The following MYO16 variants were observed in gnomAD, a reference collection of about 807,000 sequenced individuals.
MYO16 encodes the protein unconventional myosin-XVI.
A neutral mutation model predicts 205.3 loss-of-function variants in MYO16; 94 were observed. The observed-to-expected ratio is 0.46, with a 90% CI of 0.39 to 0.54. The LOEUF is 0.54. MYO16 is among the 20% of genes least tolerant of loss of function. The pLI is 0.00. For missense variants in MYO16, 2,315 were observed against 2,387.5 expected, an observed-to-expected ratio of 0.97 and a Z score of 0.63; for synonymous variants, 988 against 954.0, an observed-to-expected ratio of 1.04 and a Z score of -0.66.
chr13:109,061,264 G>A (rs1035794767), intron 27 of MYO16, among the ~76,000 whole-genome samples: 2 of 152,074 alleles, frequency 1.3e-5, no homozygotes, highest in Non-Finnish European at 2.9e-5. Context: ...TTACATTCGT[G>A]TGCCCACAAG....
At chr13:108,840,153 G>A (rs390619) in intron 9 of MYO16, among the ~76,000 whole-genome samples, 89,399 of 151,954 alleles carry the variant, frequency 0.59, 27,676 homozygotes, top group Middle Eastern at 0.72. Flanking sequence ...GCTATCTCAT[G>A]TTAATATATG....
intron 23 of MYO16, among the ~76,000 whole-genome samples, chr13:109,022,843 A>T (rs1461338372): frequency 7.3e-6 from 1 of 136,972 alleles, no homozygotes; most frequent in East Asian, 2.1e-4. Flanking sequence ...CATAGTATAT[A>T]TTTATATATT....
chr13:109,080,217 A>G (rs1377521548), intron 27 of MYO16, among the ~76,000 whole-genome samples: 1 of 152,110 alleles, frequency 6.6e-6, no homozygotes, highest in Non-Finnish European at 1.5e-5. Flanking sequence ...TAATGTGGAT[A>G]ATATTTTTCT....
chr13:108,963,183 C>T (rs1052583124), intron 19 of MYO16, among the ~76,000 whole-genome samples: 1 of 152,192 alleles, frequency 6.6e-6, no homozygotes, highest in African/African-American at 2.4e-5. Context: ...TTACTATTTT[C>T]CTCTTTATTG....
chr13:108,979,147 ATTATTTTAATTAATT>A (rs1884371224), intron 20 of MYO16, among the ~76,000 whole-genome samples: 1 of 151,928 alleles, frequency 6.6e-6, no homozygotes, highest in Admixed American at 6.6e-5. Flanking sequence ...TCACATTTAT[ATTATTTTAATTAATT>A]TCTGAAGTTT....
chr13:108,977,092 A>G (rs1341695223), intron 20 of MYO16, among the ~76,000 whole-genome samples: 1 of 152,198 alleles, frequency 6.6e-6, no homozygotes, highest in African/African-American at 2.4e-5. Context: ...AATATATAAC[A>G]TTGTGAATAA....
intron 20 of MYO16, among the ~76,000 whole-genome samples, chr13:108,976,290 A>G (rs1447912417): frequency 6.6e-6 from 1 of 152,140 alleles, no homozygotes; most frequent in Non-Finnish European, 1.5e-5. Context: ...GATGTGATGT[A>G]TGTTTTATCA....
chr13:109,086,108 A>G (rs186097827), intron 27 of MYO16, among the ~76,000 whole-genome samples: 6 of 152,058 alleles, frequency 3.9e-5, no homozygotes, highest in African/African-American at 1.5e-4. Context: ...CAAGATAGAC[A>G]TCATTTGTGC....
rs144239971 is a variant in MYO16, at chr13:108,907,318, A to G, written c.1778-2685A>G. On this transcript the variant is annotated intron_variant, in intron 15 of 34. Coordinates refer to ENST00000457511, the MANE Select transcript of MYO16 (RefSeq NM_001198950.3). ...CACCAAAACTTTTTGGAACGCATAT[A>G]TGAATATATGGACACTTGTAGAGAA... Among the ~76,000 whole-genome samples the G allele has an allele frequency of 6.0e-4, 92 of 152,322 alleles. 1 individual carries two copies. The East Asian group carries it at 0.016, about 27-fold the overall frequency.
chr13:108,851,450 T>C (rs1877860104), intron 10 of MYO16, among the ~76,000 whole-genome samples: 1 of 152,194 alleles, frequency 6.6e-6, no homozygotes, highest in African/African-American at 2.4e-5. Context: ...TAATGACTTT[T>C]GCCACAAGTG....
At chr13:108,996,857 C>A (rs889897933) in intron 21 of MYO16, among the ~76,000 whole-genome samples, 1 of 152,176 alleles carries the variant, frequency 6.6e-6, no homozygotes, top group African/African-American at 2.4e-5. Flanking sequence ...CTCTGCAGAT[C>A]TGCACCAATG....
At chr13:108,892,063 A>T (rs1047522484) in intron 14 of MYO16, among the ~76,000 whole-genome samples, 1 of 152,128 alleles carries the variant, frequency 6.6e-6, no homozygotes, top group African/African-American at 2.4e-5. Context: ...TAATTTTAAA[A>T]TTTATTCTTC....
the MYO16 span, among the ~76,000 whole-genome samples, chr13:108,560,898 T>A: frequency 6.6e-6 from 1 of 152,330 alleles, no homozygotes; most frequent in East Asian, 1.9e-4. Flanking sequence ...CACATGATAT[T>A]TTATTGTTTT....
chr13:108,683,760 T>C (rs1026266447), intron 2 of MYO16, among the ~76,000 whole-genome samples: 2 of 152,222 alleles, frequency 1.3e-5, no homozygotes, highest in Admixed American at 1.3e-4. Context: ...AGGTTTAGCA[T>C]TAAGCCTGAG....
At chr13:109,120,271 T>C in intron 28 of MYO16, 99 bp from the exon 29 acceptor site, 1 of 800,974 alleles carries the variant, frequency 1.2e-6, no homozygotes, top group Non-Finnish European at 2.0e-6. Flanking sequence ...GTTTGTTTCT[T>C]CTAATCCTCT....
chr13:109,156,288 G>C (rs1026439826), intron 32 of MYO16, among the ~76,000 whole-genome samples: 1 of 152,174 alleles, frequency 6.6e-6, no homozygotes, highest in Non-Finnish European at 1.5e-5. Context: ...GAGAACTTGA[G>C]AAGTGGTGGG....
At chr13:108,922,451 T>C (rs967183857) in intron 16 of MYO16, among the ~76,000 whole-genome samples, 31 of 152,278 alleles carry the variant, frequency 2.0e-4, no homozygotes, top group African/African-American at 7.5e-4. Context: ...TTTCACGTCT[T>C]CCCTGGTACA....
intron 2 of MYO16, among the ~76,000 whole-genome samples, chr13:108,669,022 C>T (rs1032815215): frequency 3.9e-5 from 6 of 151,952 alleles, no homozygotes; most frequent in Admixed American, 2.0e-4. Flanking sequence ...GGCATCCTGG[C>T]TGGAGACGTA....
intron 23 of MYO16, among the ~76,000 whole-genome samples, chr13:109,030,543 A>G (rs1453823894): frequency 6.6e-6 from 1 of 152,194 alleles, no homozygotes; most frequent in African/African-American, 2.4e-5. Flanking sequence ...TTTGCATCAT[A>G]TAAATAACAT....
Sources: gnomAD v4.1 joint callset for allele counts (sites outside exome capture counted in the v4.1 genomes callset) on GRCh38, gnomAD v4.1.1 for gene constraint, MANE v1.5 for transcripts, NCBI Gene and HGNC (gene_info 2026-07-23, HGNC 2026-07-21) for gene names.